REXO5: variants seen among roughly 807,000 people sequenced by gnomAD.
REXO5 encodes exonuclease NEF-sp.
In REXO5, 48 loss-of-function variants were observed where a neutral mutation model predicts 88.5. The ratio of observed to expected loss-of-function variants is 0.54; its 90% CI spans 0.43 to 0.69. The LOEUF is 0.69. REXO5 is among the 30% of genes least tolerant of loss of function. The pLI, the probability that REXO5 is intolerant of heterozygous loss-of-function variation, is 0.00. For missense variants in REXO5, 749 were observed against 912.2 expected (o/e 0.82, Z 2.30); for synonymous variants, 311 against 336.5 (o/e 0.92, Z 0.83).
At chr16:20,835,226 A>T (rs941578242) in intron 13 of REXO5, among the ~76,000 whole-genome samples, 1 of 151,776 alleles carries the variant, frequency 6.6e-6, no homozygotes. Context: ...GGCCTCAAGT[A>T]ATCTGCCCAC....
In REXO5 at chr16:20,840,333, G is replaced by A. The variant is rs1352012682; in HGVS notation, c.1491G>A (p.Met497Ile). ...PVLTEEMNKRMRIKWTEISTV... is the reference protein window; with the variant it reads ...PVLTEEMNKRIRIKWTEISTV... Reference sequence around the variant, plus strand: ...ATATTCTGTTGTTTTTCCTACAGATGAGGATCAAGTGGACAGAGATATCAA... The same window carrying A: ...ATATTCTGTTGTTTTTCCTACAGATAAGGATCAAGTGGACAGAGATATCAA... Residue 497 changes from methionine to isoleucine, a missense_variant and splice_region_variant, in exon 15 of 20, where the codon ATG becomes ATA. Met to Ile is a conservative substitution (Grantham distance 10). Coordinates refer to ENST00000261377, the MANE Select transcript of REXO5 (RefSeq NM_030941.3). 1.3e-6 allele frequency: 2 copies of A among 1,540,194 alleles called. No individual in the cohort carries two copies. The highest frequency in any genetic ancestry group is 1.8e-6 in the Non-Finnish European group (2 of 1,131,204).
At chr16:20,808,071 G>A (rs2080933084) in intron 2 of REXO5, among the ~76,000 whole-genome samples, 1 of 152,124 alleles carries the variant, frequency 6.6e-6, no homozygotes, top group Non-Finnish European at 1.5e-5. Flanking sequence ...TGTGAACTTT[G>A]CATACGAGGG....
At chr16:20,837,124 G>T (rs533348806) in intron 13 of REXO5, among the ~76,000 whole-genome samples, 1 of 152,254 alleles carries the variant, frequency 6.6e-6, no homozygotes, top group East Asian at 1.9e-4. Flanking sequence ...AGGTGTTTGA[G>T]GAGAGAGGGT....
At chr16:20,806,431 T>G, upstream of REXO5, 2 of 1,553,042 alleles carry the variant, frequency 1.3e-6, no homozygotes, top group Middle Eastern at 1.7e-4. Flanking sequence ...TGGTCGCCAT[T>G]CCCGACACTC....
chr16:20,813,066 G>A (rs2152500195), intron 2 of REXO5, 124 bp from the exon 3 acceptor site: 2 of 690,632 alleles, frequency 2.9e-6, no homozygotes, highest in South Asian at 1.6e-5. Context: ...CAATTAATTA[G>A]CACTTCCTTA....
intron 7 of REXO5, among the ~76,000 whole-genome samples, chr16:20,825,215 CTAATTGTAG>C (rs1312095361): frequency 6.6e-6 from 1 of 152,158 alleles, no homozygotes; most frequent in Non-Finnish European, 1.5e-5. Flanking sequence ...TTTGCTTTAT[CTAATTGTAG>C]TAAGCCTCTT....
rs2081588830 is a variant in REXO5, at chr16:20,845,217, C to G, written c.2100C>G (p.Pro700=). The change falls in exon 18 of 20, where the codon CCC becomes CCG. Residue 700 remains proline (P), a synonymous_variant. Transcript: ENST00000261377. The part of the protein sequence containing the change: ...TRLPGLRVVP[P]PFEQEALQTL... ...TCCCAGGGCTTCGTGTTGTACCTCC[C>G]CCCTTTGAACAGGAGGCCTTGCAGG... is the stretch of plus-strand genomic sequence containing the variant. The G allele has an allele frequency of 6.2e-7, 1 of 1,613,174 alleles. No homozygotes were observed.
At chr16:20,842,427 T>C (rs2081542197) in intron 15 of REXO5, among the ~76,000 whole-genome samples, 1 of 152,154 alleles carries the variant, frequency 6.6e-6, no homozygotes, top group Non-Finnish European at 1.5e-5. Context: ...ATTTTGTTTA[T>C]CCATTTGTTG....
At chr16:20,807,274 GGCT>G in intron 2 of REXO5, 183 bp downstream of exon 2, 1 of 701,670 alleles carries the variant, frequency 1.4e-6, no homozygotes, top group South Asian at 2.0e-5. Context: ...GGCTGTCATT[GGCT>G]GTCACTGGGA....
At chr16:20,846,950 A>G (rs2081616437) in intron 19 of REXO5, among the ~76,000 whole-genome samples, 1 of 152,178 alleles carries the variant, frequency 6.6e-6, no homozygotes, top group African/African-American at 2.4e-5. Flanking sequence ...CCTTTCTTTA[A>G]AGAAAAACTG....
intron 4 of REXO5, 130 bp downstream of exon 4, chr16:20,815,183 C>A: frequency 1.2e-6 from 1 of 823,832 alleles, no homozygotes; most frequent in Non-Finnish European, 1.8e-6. Context: ...AGCAAAAAGA[C>A]CTTAGAGGCC....
intron 13 of REXO5, among the ~76,000 whole-genome samples, chr16:20,837,570 A>T (rs2081452604): frequency 6.6e-6 from 1 of 152,070 alleles, no homozygotes; most frequent in African/African-American, 2.4e-5. Context: ...AATGCCCTTT[A>T]TTAAAATTTC....
rs776588052 is a variant in REXO5, at chr16:20,825,884, G to A, written c.757G>A (p.Gly253Arg). The change falls in exon 8 of 20, where the codon GGA becomes AGA. Residue 253 changes from glycine to arginine, a missense_variant. Gly to Arg is a moderately radical substitution (Grantham distance 125). Coordinates refer to ENST00000261377, the MANE Select transcript of REXO5 (RefSeq NM_030941.3). ...ELTRISLVAE[G>R]GCCVMDELVK... ...AACACGCATCTCACTGGTTGCTGAA[G>A]GAGGCTGCTGTGTTATGGATGAACT... 6.2e-7 allele frequency: 1 copy of A among 1,614,130 alleles called. No homozygotes were observed. Among genetic ancestry groups the A allele is most frequent in the South Asian group, 1.1e-5 (1 of 91,050 alleles).
At chr16:20,834,153 T>C (rs1567402625) in intron 13 of REXO5, among the ~76,000 whole-genome samples, 1 of 152,354 alleles carries the variant, frequency 6.6e-6, no homozygotes, top group South Asian at 2.1e-4. Context: ...ATTCAGATTA[T>C]GCATTCTTAG....
chr16:20,824,601 A>G (rs1567393361), intron 7 of REXO5, 74 bp downstream of exon 7: 2 of 873,490 alleles, frequency 2.3e-6, no homozygotes, highest in Non-Finnish European at 3.8e-6. Context: ...TCTTGAGTCT[A>G]ATGCACTAAT....
intron 2 of REXO5, among the ~76,000 whole-genome samples, chr16:20,809,959 T>A (rs1176908537): frequency 1.3e-5 from 2 of 152,248 alleles, no homozygotes; most frequent in Non-Finnish European, 2.9e-5. Context: ...TTCAGTGTGT[T>A]ACTATCTTTT....
At chr16:20,807,190 C>T (rs1213304468) in intron 2 of REXO5, 99 bp downstream of exon 2, 2 of 1,383,226 alleles carry the variant, frequency 1.4e-6, no homozygotes, top group Non-Finnish European at 2.0e-6. Context: ...GGCGGGCTCT[C>T]CGCCCTGGCC....
chr16:20,821,559 G>T (rs780498682), intron 5 of REXO5, among the ~76,000 whole-genome samples: 18 of 152,180 alleles, frequency 1.2e-4, no homozygotes, highest in Non-Finnish European at 2.5e-4. Context: ...CTCCCAAAGT[G>T]CTGGGATTAC....
At chr16:20,828,640 C>G (rs1244723432) in intron 11 of REXO5, 103 bp downstream of exon 11, 8 of 802,734 alleles carry the variant, frequency 1.0e-5, no homozygotes, top group Non-Finnish European at 1.6e-5. Context: ...ATGAAAATGG[C>G]AGTGTGGGCC....
Sources: gnomAD v4.1 joint callset for allele counts (sites outside exome capture counted in the v4.1 genomes callset) on GRCh38, gnomAD v4.1.1 for gene constraint, MANE v1.5 for transcripts, NCBI Gene and HGNC (gene_info 2026-07-23, HGNC 2026-07-21) for gene names.